The following NBEA variants were observed in gnomAD, a reference collection of about 807,000 sequenced individuals.
The protein encoded by NBEA is neurobeachin.
NBEA carries 44 observed loss-of-function variants against 343.4 expected under a neutral mutation model. That is an observed-to-expected ratio of 0.13 (90% CI 0.10 to 0.16). The LOEUF (loss-of-function observed/expected upper bound fraction) is 0.16, where lower values mean the gene tolerates loss of function less well. NBEA is among the 10% of genes least tolerant of loss of function. The probability of loss-of-function intolerance (pLI) is 1.00; values close to 1 mark genes in which losing one functional copy is unlikely to be tolerated. For missense variants in NBEA, 2,555 were observed against 3,631.3 expected (o/e 0.70, Z 7.62); for synonymous variants, 1,175 against 1,238.7 (o/e 0.95, Z 1.08).
chr13:35,299,388 A>G (rs776615649), intron 35 of NBEA, among the ~76,000 whole-genome samples: 1 of 152,168 alleles, frequency 6.6e-6, no homozygotes, highest in African/African-American at 2.4e-5. Flanking sequence ...GGGAAGCATT[A>G]TATTTTGGAT....
intron 35 of NBEA, among the ~76,000 whole-genome samples, chr13:35,305,287 T>C (rs1461966248): frequency 6.6e-6 from 1 of 152,228 alleles, no homozygotes; most frequent in Non-Finnish European, 1.5e-5. Flanking sequence ...TGTCAGCCTC[T>C]GCTTAATCCT....
chr13:35,421,342 CT>C (rs1285867972), intron 38 of NBEA, among the ~76,000 whole-genome samples: 3 of 151,880 alleles, frequency 2.0e-5, no homozygotes, highest in African/African-American at 7.3e-5. Context: ...CTTTGTGTAG[CT>C]TTTTTAGTGT....
At chr13:35,092,288 A>G (rs1344961731) in intron 10 of NBEA, among the ~76,000 whole-genome samples, 1 of 152,034 alleles carries the variant, frequency 6.6e-6, no homozygotes, top group African/African-American at 2.4e-5. Context: ...GAAACGTATA[A>G]GGAAATTTAT....
At chr13:35,013,834 C>CT (rs1168184973) in intron 1 of NBEA, among the ~76,000 whole-genome samples, 2 of 151,910 alleles carry the variant, frequency 1.3e-5, no homozygotes, top group Admixed American at 1.3e-4. Context: ...ATTTTCAGTT[C>CT]TTTTTTTTCC....
At chr13:34,981,295 T>C (rs2060348015) in intron 1 of NBEA, among the ~76,000 whole-genome samples, 1 of 152,222 alleles carries the variant, frequency 6.6e-6, no homozygotes. Flanking sequence ...TTTACCAGTT[T>C]ACGACCATTT....
At chr13:35,266,100 T>G (rs2033650161) in intron 34 of NBEA, among the ~76,000 whole-genome samples, 1 of 151,876 alleles carries the variant, frequency 6.6e-6, no homozygotes, top group Non-Finnish European at 1.5e-5. Flanking sequence ...AAAGTAATGT[T>G]CAACATCACT....
At chr13:35,090,147 C>G (rs1213283454) in intron 10 of NBEA, among the ~76,000 whole-genome samples, 8 of 151,560 alleles carry the variant, frequency 5.3e-5, no homozygotes. Flanking sequence ...GCCATGAGAC[C>G]TTAGTGGCTT....
In NBEA at chr13:35,180,196, GT is replaced by G. The variant is rs1404872268; in HGVS notation, c.4663-2160del. On this transcript the variant is annotated intron_variant, in intron 28 of 58. Transcript: ENST00000379939. ...AGTTACTAGAATTTATTACTTGCTT[GT>G]TTTCCTTATTTCTTATTCTGCCTCT... is the stretch of plus-strand genomic sequence containing the variant. Among the ~76,000 whole-genome samples the G allele has an allele frequency of 2.0e-5, 3 of 151,776 alleles. No individual in the cohort carries two copies. In the South Asian group the frequency reaches 6.2e-4, roughly 31 times the overall value.
At chr13:35,527,409 C>T (rs2078030502) in intron 41 of NBEA, among the ~76,000 whole-genome samples, 1 of 152,172 alleles carries the variant, frequency 6.6e-6, no homozygotes, top group Non-Finnish European at 1.5e-5. Context: ...CCCAGGAACC[C>T]GTCTGCCTCC....
At chr13:35,564,086 T>C (rs1371624135) in intron 44 of NBEA, among the ~76,000 whole-genome samples, 1 of 152,056 alleles carries the variant, frequency 6.6e-6, no homozygotes, top group Non-Finnish European at 1.5e-5. Context: ...ATCATTTCTA[T>C]TAAAAAGGCT....
Position 35,513,778 on chromosome 13 carries a change from AT to A in NBEA, c.6586-36698del, listed in dbSNP as rs1169208719. On this transcript the variant is annotated intron_variant, in intron 41 of 58. Coordinates refer to ENST00000379939, the MANE Select transcript of NBEA (RefSeq NM_001385012.1). Reference sequence around the variant, plus strand: ...AAAGAAATGGACAAAGTATTGGAAAATAATAGTATGTGACATTTTTCTGTAT... The same window carrying A: ...AAAGAAATGGACAAAGTATTGGAAAAAATAGTATGTGACATTTTTCTGTAT... Among the ~76,000 whole-genome samples the A allele has an allele frequency of 2.0e-5, 3 of 152,152 alleles. No homozygotes were observed. The East Asian group carries it at 5.8e-4, about 29-fold the overall frequency.
intron 26 of NBEA, 108 bp downstream of exon 26, chr13:35,171,560 T>C (rs2070463456): frequency 1.1e-6 from 1 of 890,606 alleles, no homozygotes; most frequent in Admixed American, 2.8e-5. Context: ...GATTATATAA[T>C]ATGGAGATTA....
chr13:35,211,265 C>A, intron 33 of NBEA, 86 bp downstream of exon 33: 2 of 1,151,806 alleles, frequency 1.7e-6, no homozygotes, highest in South Asian at 1.6e-5. Flanking sequence ...AGAAAGAGTT[C>A]TTGAGAATGA....
At chr13:35,600,541 C>T (rs1566388840) in intron 47 of NBEA, among the ~76,000 whole-genome samples, 1 of 151,768 alleles carries the variant, frequency 6.6e-6, no homozygotes, top group African/African-American at 2.4e-5. Context: ...TGATCCGTGC[C>T]CCTAAAAAAA....
intron 36 of NBEA, among the ~76,000 whole-genome samples, chr13:35,337,767 A>C (rs2152854274): frequency 6.6e-6 from 1 of 152,230 alleles, no homozygotes; most frequent in South Asian, 2.1e-4. Context: ...GAAAGCATGC[A>C]TTTTATCTTC....
intron 1 of NBEA, among the ~76,000 whole-genome samples, chr13:34,973,909 T>A (rs954946832): frequency 6.6e-6 from 1 of 151,966 alleles, no homozygotes; most frequent in African/African-American, 2.4e-5. Context: ...AGAGCCAGAG[T>A]CTGTAAAACT....
chr13:35,092,721 A>G (rs2065149575), intron 10 of NBEA, among the ~76,000 whole-genome samples: 1 of 152,038 alleles, frequency 6.6e-6, no homozygotes, highest in Non-Finnish European at 1.5e-5. Flanking sequence ...AGGATGTGAG[A>G]ACAACTAGAA....
At chr13:35,377,995 GCC>G (rs2041834639) in intron 38 of NBEA, among the ~76,000 whole-genome samples, 1 of 152,114 alleles carries the variant, frequency 6.6e-6, no homozygotes, top group Non-Finnish European at 1.5e-5. Context: ...TCAAAATAGA[GCC>G]CTGTCTTAGT....
chr13:35,131,276 A>G (rs1245712094), intron 17 of NBEA, among the ~76,000 whole-genome samples: 2 of 152,154 alleles, frequency 1.3e-5, no homozygotes, highest in African/African-American at 4.8e-5. Flanking sequence ...AAAATTGGAT[A>G]TGGATTATCC....
Sources: allele counts gnomAD v4.1 joint callset (sites outside exome capture counted in the v4.1 genomes callset), GRCh38; gene constraint gnomAD v4.1.1; transcripts MANE v1.5; gene names NCBI Gene and HGNC (gene_info 2026-07-23, HGNC 2026-07-21).